The following UGGT2 variants were observed in gnomAD, a reference collection of about 807,000 sequenced individuals.
UGGT2 encodes UDP-glucose:glycoprotein glucosyltransferase 2.
UGGT2 carries 180 observed loss-of-function variants against 192.1 expected under a neutral mutation model. The observed-to-expected ratio is 0.94, with a 90% CI of 0.83 to 1.06. UGGT2 has a LOEUF of 1.06. Among genes scored for constraint, UGGT2 ranks in the 50% least tolerant of loss-of-function variants. The pLI, the probability that UGGT2 is intolerant of heterozygous loss-of-function variation, is 0.00. For missense variants in UGGT2, 1,849 were observed against 1,795.7 expected (o/e 1.03, Z -0.54); for synonymous variants, 580 against 591.0 (o/e 0.98, Z 0.27).
intron 17 of UGGT2, among the ~76,000 whole-genome samples, chr13:95,927,606 T>C (rs1189146249): frequency 6.6e-6 from 1 of 152,142 alleles, no homozygotes; most frequent in African/African-American, 2.4e-5. Flanking sequence ...AGGACAATTC[T>C]CATTAATTAA....
At chr13:95,928,321 CGGCTGGCCTGGCGAG>C (rs2049107356) in intron 17 of UGGT2, among the ~76,000 whole-genome samples, 1 of 151,296 alleles carries the variant, frequency 6.6e-6, no homozygotes, top group Non-Finnish European at 1.5e-5. Flanking sequence ...CCCGACGGGA[CGGCTGGCCTGGCGAG>C]GGCTGCCCCC....
intron 7 of UGGT2, among the ~76,000 whole-genome samples, chr13:95,994,937 C>T (rs1294020591): frequency 1.3e-5 from 2 of 151,954 alleles, no homozygotes; most frequent in Non-Finnish European, 2.9e-5. Context: ...GAAAAACATG[C>T]ATATTTAACA....
intron 38 of UGGT2, among the ~76,000 whole-genome samples, chr13:95,804,665 A>G (rs1245322221): frequency 2.0e-5 from 3 of 152,188 alleles, no homozygotes; most frequent in African/African-American, 4.8e-5. Context: ...CATCTTTGAT[A>G]AGGATGCCAA....
chr13:95,952,203 GAAAAA>G (rs551584620), intron 12 of UGGT2, among the ~76,000 whole-genome samples: 1 of 145,854 alleles, frequency 6.9e-6, no homozygotes, highest in African/African-American at 2.5e-5. Flanking sequence ...AAAACCACAG[GAAAAA>G]AAAAAGAAGA....
chr13:95,850,418 G>C (rs2140016183), intron 36 of UGGT2, among the ~76,000 whole-genome samples: 1 of 152,272 alleles, frequency 6.6e-6, no homozygotes, highest in South Asian at 2.1e-4. Context: ...AGGACCTTTG[G>C]ATACTTCATG....
intron 24 of UGGT2, among the ~76,000 whole-genome samples, chr13:95,891,480 C>T (rs556163045): frequency 1.4e-3 from 215 of 152,140 alleles, no homozygotes; most frequent in African/African-American, 4.8e-3. Context: ...TCCCTCTGTC[C>T]TATCCGTTTT....
chr13:96,009,433 A>C (rs55760699), intron 5 of UGGT2, among the ~76,000 whole-genome samples: 2 of 152,286 alleles, frequency 1.3e-5, no homozygotes, highest in East Asian at 3.8e-4. Context: ...AAATATTTGC[A>C]AACTATGTAT....
chr13:95,852,151 A>T (rs1429566482), intron 36 of UGGT2, among the ~76,000 whole-genome samples: 2 of 152,130 alleles, frequency 1.3e-5, no homozygotes, highest in African/African-American at 2.4e-5. Flanking sequence ...ATAATTTCCC[A>T]CTTACTAGAT....
intron 38 of UGGT2, among the ~76,000 whole-genome samples, chr13:95,825,338 G>T (rs1291580171): frequency 1.3e-5 from 2 of 152,152 alleles, no homozygotes; most frequent in Non-Finnish European, 2.9e-5. Context: ...CAGCCTTGAT[G>T]AAGGTGGCTG....
chr13:96,013,502 A>T (rs556907794), intron 4 of UGGT2, 21 bp from the exon 5 acceptor site: 1 of 1,471,696 alleles, frequency 6.8e-7, no homozygotes, highest in East Asian at 2.5e-5. Flanking sequence ...AGCAAAACAC[A>T]AAGTTTTGAA....
chr13:95,903,064 C>G lies in UGGT2; in HGVS notation c.2296-4G>C. 6.2e-7 allele frequency: 1 copy of G among 1,606,626 alleles called. No individual in the cohort carries two copies. On this transcript the variant is annotated splice_region_variant and splice_polypyrimidine_tract_variant and intron_variant, in intron 20 of 38. Coordinates refer to ENST00000376747, the MANE Select transcript of UGGT2 (RefSeq NM_020121.4). ...ACCGACTATGAACACTTGTTTTCTG[C>G]AAACATATTTATAGATTAAAAAGAC...
chr13:95,977,386 C>T (rs1026131710), intron 10 of UGGT2, among the ~76,000 whole-genome samples: 11 of 152,008 alleles, frequency 7.2e-5, no homozygotes, highest in African/African-American at 9.7e-5. Context: ...AGAAAGTGGG[C>T]GAAGGATATG....
intron 1 of UGGT2, among the ~76,000 whole-genome samples, chr13:96,051,831 G>A (rs928552542): frequency 6.6e-6 from 1 of 152,028 alleles, no homozygotes; most frequent in Non-Finnish European, 1.5e-5. Flanking sequence ...ATAAATAATA[G>A]ATGTTGGCGT....
intron 1 of UGGT2, among the ~76,000 whole-genome samples, chr13:96,049,906 A>T (rs889576833): frequency 5.9e-5 from 9 of 152,202 alleles, no homozygotes; most frequent in African/African-American, 2.2e-4. Context: ...CATACTGCCC[A>T]AGGTAATTTA....
At chr13:96,036,990 T>C (rs1188544895) in intron 1 of UGGT2, among the ~76,000 whole-genome samples, 2 of 152,186 alleles carry the variant, frequency 1.3e-5, no homozygotes, top group Admixed American at 1.3e-4. Flanking sequence ...CCTTACAAAA[T>C]ATATGGCTCA....
chr13:95,853,502 T>A (rs761277354), intron 36 of UGGT2, 41 bp downstream of exon 36: 22 of 1,548,468 alleles, frequency 1.4e-5, no homozygotes, highest in Admixed American at 1.2e-4. Context: ...GAACAGTCTA[T>A]GTACACACAC....
At chr13:95,891,580 G>C (rs1276977155) in intron 24 of UGGT2, among the ~76,000 whole-genome samples, 1 of 152,094 alleles carries the variant, frequency 6.6e-6, no homozygotes, top group Non-Finnish European at 1.5e-5. Context: ...GAACAGGCCA[G>C]AGGGAGACAG....
At chr13:96,044,540 A>G (rs2053253436) in intron 1 of UGGT2, among the ~76,000 whole-genome samples, 1 of 152,188 alleles carries the variant, frequency 6.6e-6, no homozygotes, top group Admixed American at 6.5e-5. Context: ...AACAAAAAAT[A>G]CAAAAGATAA....
intron 33 of UGGT2, chr13:95,856,801 T>A (rs1353943643): frequency 4.2e-6 from 1 of 239,872 alleles, no homozygotes; most frequent in Non-Finnish European, 8.3e-6. Context: ...AATTAGATTC[T>A]ATACAGGAGC....
Sources: allele counts gnomAD v4.1 joint callset (sites outside exome capture counted in the v4.1 genomes callset), GRCh38; gene constraint gnomAD v4.1.1; transcripts MANE v1.5; gene names NCBI Gene and HGNC (gene_info 2026-07-23, HGNC 2026-07-21).